The following SMOC2 variants were observed in gnomAD, a reference collection of about 807,000 sequenced individuals.
SMOC2 encodes SPARC related modular calcium binding 2.
In SMOC2, 39 loss-of-function variants were observed where a neutral mutation model predicts 61.4. That is an observed-to-expected ratio of 0.64 (90% confidence interval 0.49 to 0.83). The LOEUF (loss-of-function observed/expected upper bound fraction) is 0.83. Ranked by LOEUF, SMOC2 falls within the 40% of genes least tolerant of loss-of-function variation. SMOC2 has a pLI of 0.00. For synonymous variants in SMOC2, 247 were observed against 239.9 expected (o/e 1.03, Z -0.27); for missense variants, 556 against 592.9 (o/e 0.94, Z 0.65).
At chr6:168,625,831 G>A (rs191388551) in intron 9 of SMOC2, among the ~76,000 whole-genome samples, 11 of 152,312 alleles carry the variant, frequency 7.2e-5, no homozygotes, top group Non-Finnish European at 1.5e-4. Flanking sequence ...AGGAAGGCCG[G>A]CCTGTGGGCC....
chr6:168,548,606 T>G (rs145100563), intron 6 of SMOC2, among the ~76,000 whole-genome samples: 1 of 152,062 alleles, frequency 6.6e-6, no homozygotes, highest in Admixed American at 6.6e-5. Flanking sequence ...CCTCAGGTGA[T>G]TCACCTGCCT....
chr6:168,532,182 A>G (rs1379690573), intron 4 of SMOC2, among the ~76,000 whole-genome samples: 2 of 151,116 alleles, frequency 1.3e-5, no homozygotes, highest in African/African-American at 4.9e-5. Context: ...AGATGTATGC[A>G]CTCCTCAGGG....
intron 11 of SMOC2, among the ~76,000 whole-genome samples, chr6:168,659,299 G>C (rs1315450228): frequency 1.3e-5 from 2 of 152,180 alleles, no homozygotes; most frequent in African/African-American, 4.8e-5. Context: ...GCCATGCTGT[G>C]CTGTCGGGGG....
intron 2 of SMOC2, among the ~76,000 whole-genome samples, chr6:168,523,842 A>C (rs920994069): frequency 2.0e-5 from 3 of 152,186 alleles, no homozygotes; most frequent in Admixed American, 2.0e-4. Flanking sequence ...CAACCAAAGA[A>C]TCATACAGAG....
intron 1 of SMOC2, among the ~76,000 whole-genome samples, chr6:168,483,475 G>T (rs937184404): frequency 6.6e-6 from 1 of 152,066 alleles, no homozygotes; most frequent in African/African-American, 2.4e-5. Context: ...CACGTTCATG[G>T]ATCAGTATTA....
chr6:168,616,734 A>G (rs1202172365), intron 9 of SMOC2, among the ~76,000 whole-genome samples: 6 of 152,250 alleles, frequency 3.9e-5, no homozygotes, highest in African/African-American at 1.4e-4. Flanking sequence ...GACTGCTGCA[A>G]ATAAAAACTC....
intron 9 of SMOC2, among the ~76,000 whole-genome samples, chr6:168,632,817 T>C (rs984929368): frequency 6.6e-6 from 1 of 152,206 alleles, no homozygotes; most frequent in African/African-American, 2.4e-5. Flanking sequence ...GAGACTGTCA[T>C]CAGCCCATCC....
intron 7 of SMOC2, among the ~76,000 whole-genome samples, chr6:168,588,608 T>C (rs530908568): frequency 1.8e-4 from 28 of 152,344 alleles, no homozygotes; most frequent in South Asian, 6.2e-4. Flanking sequence ...TGACAAGTGA[T>C]TCCCAGCATT....
At chr6:168,653,866 C>G (rs1787270457) in intron 11 of SMOC2, among the ~76,000 whole-genome samples, 1 of 117,892 alleles carries the variant, frequency 8.5e-6, no homozygotes, top group African/African-American at 3.6e-5. Context: ...TGCACCTGAG[C>G]TCCAACCAGA....
intron 1 of SMOC2, among the ~76,000 whole-genome samples, chr6:168,447,166 A>G (rs1781349576): frequency 6.6e-6 from 1 of 152,104 alleles, no homozygotes; most frequent in Non-Finnish European, 1.5e-5. Context: ...TCCTGGGCTC[A>G]AGCGATTCCC....
At chr6:168,496,853 G>A (rs971790904) in intron 1 of SMOC2, among the ~76,000 whole-genome samples, 1 of 152,354 alleles carries the variant, frequency 6.6e-6, no homozygotes, top group African/African-American at 2.4e-5. Context: ...CCATGTCTGG[G>A]CTATCGCATA....
chr6:168,645,874 G>T (rs938689117), intron 9 of SMOC2, among the ~76,000 whole-genome samples: 1 of 152,200 alleles, frequency 6.6e-6, no homozygotes, highest in African/African-American at 2.4e-5. Context: ...CAGGCTGATT[G>T]CTTGACAGAA....
intron 1 of SMOC2, among the ~76,000 whole-genome samples, chr6:168,460,469 A>G (rs1583032374): frequency 6.6e-6 from 1 of 152,314 alleles, no homozygotes; most frequent in East Asian, 1.9e-4. Context: ...ACTTAATAAT[A>G]TTTAGGGGTA....
chr6:168,586,847 AT>A (rs1247656746), intron 7 of SMOC2, among the ~76,000 whole-genome samples: 12 of 152,182 alleles, frequency 7.9e-5, no homozygotes, highest in African/African-American at 2.9e-4. Context: ...TCACTTATTA[AT>A]TTTAGCAGCT....
chr6:168,506,207 C>T lies in SMOC2; in HGVS notation c.85-3708C>T, dbSNP rs1384400314. ...CACCCCCATACCTGGCTAATTTCCT[C>T]CCACCCCTGATAGAGACAGAGTCTC... On this transcript the variant is annotated intron_variant, in intron 1 of 12. Transcript: ENST00000356284. 3.9e-5 allele frequency among the ~76,000 whole-genome samples: 6 copies of T among 152,034 alleles called. 1 individual carries two copies. The highest frequency in any genetic ancestry group is 2.9e-5 in the Non-Finnish European group (2 of 68,004).
chr6:168,564,134 G>A (rs1200462986), intron 7 of SMOC2, among the ~76,000 whole-genome samples: 3 of 152,190 alleles, frequency 2.0e-5, no homozygotes, highest in African/African-American at 7.2e-5. Context: ...AATTACGTAT[G>A]TGTATAAGAC....
chr6:168,665,612 T>G (rs372609811), intron 12 of SMOC2, among the ~76,000 whole-genome samples: 5 of 152,378 alleles, frequency 3.3e-5, no homozygotes, highest in East Asian at 1.9e-4. Flanking sequence ...GAGCTGATAT[T>G]AAATAAGTTA....
At chr6:168,640,678 T>G (rs756707950) in intron 9 of SMOC2, among the ~76,000 whole-genome samples, 1 of 148,690 alleles carries the variant, frequency 6.7e-6, no homozygotes, top group Admixed American at 6.6e-5. Context: ...TTTAAAAACA[T>G]AGAGAGTCTA....
In SMOC2 at chr6:168,511,811, G is replaced by GTTTTTTTTTTTTT. The variant is rs144317852; in HGVS notation, c.256+1727_256+1728insTTTTTTTTTTTTT. 2.3e-5 allele frequency among the ~76,000 whole-genome samples: 3 copies of GTTTTTTTTTTTTT among 130,732 alleles called. 1 individual carries two copies. The highest frequency in any genetic ancestry group is 4.8e-5 in the Non-Finnish European group (3 of 62,640). The allele number at this position is 130,732 out of a possible 152,430, so 85.8% of individuals were successfully genotyped here. On this transcript the variant is annotated intron_variant, in intron 2 of 12. Coordinates refer to ENST00000356284, the MANE Select transcript of SMOC2 (RefSeq NM_001166412.2). ...GACAAATGGCTATTCATTATCAAGG[G>GTTTTTTTTTTTTT]TTGTTTTTTTTTTTTTTTCTGAAAT...
Sources: gnomAD v4.1 joint callset for allele counts (sites outside exome capture counted in the v4.1 genomes callset) on GRCh38, gnomAD v4.1.1 for gene constraint, MANE v1.5 for transcripts, NCBI Gene and HGNC (gene_info 2026-07-23, HGNC 2026-07-21) for gene names.